Variants in EYS observed in about 807,000 individuals in gnomAD.
EYS encodes protein eyes shut homolog.
Under a neutral mutation model 282.1 loss-of-function variants are expected in EYS, and 250 were observed. The observed-to-expected ratio is 0.89, with a 90% CI of 0.80 to 0.98. EYS has a LOEUF of 0.98. Ranked by LOEUF, EYS falls within the 50% of genes least tolerant of loss-of-function variation. The probability of loss-of-function intolerance (pLI) is 0.00; values close to 1 mark genes in which losing one functional copy is unlikely to be tolerated. For synonymous variants in EYS, 1,355 were observed against 1,282.9 expected (o/e 1.06, Z -1.20); for missense variants, 4,016 against 3,709.0 (o/e 1.08, Z -2.15).
intron 2 of EYS, among the ~76,000 whole-genome samples, chr6:65,546,572 T>A (rs1164158258): frequency 1.6e-5 from 1 of 63,852 alleles, no homozygotes; most frequent in Non-Finnish European, 2.6e-5. Context: ...TACAACTTGA[T>A]CTTTTTTTTG....
At chr6:63,872,638 C>G (rs1376688164) in intron 35 of EYS, among the ~76,000 whole-genome samples, 2 of 151,998 alleles carry the variant, frequency 1.3e-5, no homozygotes, top group Non-Finnish European at 2.9e-5. Flanking sequence ...GCCGCCATGC[C>G]TGGCTAATTT....
rs1008872940 is a variant in EYS at position 65,348,561 on chromosome 6, A to C, written c.1460-4384T>G. Among the ~76,000 whole-genome samples, 115 of 151,640 alleles carry C rather than the reference A, an allele frequency of 7.6e-4. 3 individuals are homozygous for C. Among genetic ancestry groups the C allele is most frequent in the Admixed American group, 7.3e-3 (110 of 15,156 alleles). ...TTAGATCTTTTTTCCCATTTCTAAA[A>C]ATCATATTATTATTTTATTCCTGTA... On this transcript the variant is annotated intron_variant, in intron 9 of 42. Coordinates refer to ENST00000503581, the MANE Select transcript of EYS (RefSeq NM_001142800.2).
chr6:64,812,036 C>T (rs562205225), intron 22 of EYS, among the ~76,000 whole-genome samples: 11 of 151,934 alleles, frequency 7.2e-5, no homozygotes, highest in East Asian at 5.8e-4. Flanking sequence ...CAGAAATATA[C>T]GTTCAATTTA....
At chr6:64,688,287 T>C (rs1322011618) in intron 22 of EYS, among the ~76,000 whole-genome samples, 1 of 152,172 alleles carries the variant, frequency 6.6e-6, no homozygotes, top group East Asian at 1.9e-4. Context: ...TGTTTGCTCT[T>C]GCTTATCTAG....
chr6:65,643,018 G>A (rs1767330610), intron 1 of EYS, among the ~76,000 whole-genome samples: 1 of 152,212 alleles, frequency 6.6e-6, no homozygotes, highest in Non-Finnish European at 1.5e-5. Context: ...TACCAGGAAA[G>A]CTGAGAGAAT....
At chr6:65,505,640 C>T (rs1007470497) in intron 2 of EYS, among the ~76,000 whole-genome samples, 3 of 152,094 alleles carry the variant, frequency 2.0e-5, no homozygotes, top group African/African-American at 4.8e-5. Flanking sequence ...TCTCTTCAGA[C>T]TTCTTTGACC....
chr6:65,671,514 G>A (rs1368611440), intron 1 of EYS, among the ~76,000 whole-genome samples: 1 of 151,986 alleles, frequency 6.6e-6, no homozygotes, highest in Non-Finnish European at 1.5e-5. Flanking sequence ...AAAAAATTCT[G>A]ACAGGCTTTC....
chr6:65,132,642 AC>A (rs993735070), intron 12 of EYS, among the ~76,000 whole-genome samples: 36 of 152,172 alleles, frequency 2.4e-4, no homozygotes, highest in African/African-American at 8.7e-4. Flanking sequence ...CCCCATGAAA[AC>A]CAGCACAAGA....
At chr6:65,513,512 C>T (rs1358375827) in intron 2 of EYS, among the ~76,000 whole-genome samples, 1 of 152,016 alleles carries the variant, frequency 6.6e-6, no homozygotes, top group Non-Finnish European at 1.5e-5. Context: ...GACCAATATC[C>T]TTGATGAACA....
At chr6:64,127,352 C>T (rs1773819280) in intron 31 of EYS, among the ~76,000 whole-genome samples, 2 of 152,092 alleles carry the variant, frequency 1.3e-5, no homozygotes, top group Admixed American at 6.6e-5. Context: ...CAATTACTTA[C>T]TATCATCTAA....
intron 5 of EYS, among the ~76,000 whole-genome samples, chr6:65,407,113 C>A (rs1035443144): frequency 3.9e-5 from 6 of 152,088 alleles, no homozygotes; most frequent in Non-Finnish European, 8.8e-5. Flanking sequence ...ATCTCCATTT[C>A]TTTGGCTATT....
chr6:64,256,036 A>G (rs149946627), intron 30 of EYS, among the ~76,000 whole-genome samples: 479 of 152,160 alleles, frequency 3.1e-3, no homozygotes, highest in Non-Finnish European at 4.7e-3. Context: ...TTTAATTCTT[A>G]TATAAAAATC....
chr6:64,908,150 G>A (rs956124512), intron 16 of EYS, among the ~76,000 whole-genome samples: 4 of 152,162 alleles, frequency 2.6e-5, no homozygotes, highest in African/African-American at 4.8e-5. Context: ...TGGCAGACTC[G>A]TGGGAGAGGT....
In EYS at chr6:63,789,216, C is replaced by T. The variant is rs1770446844; in HGVS notation, c.7420G>A (p.Gly2474Ser). The T allele has an allele frequency of 6.4e-7, 1 of 1,551,624 alleles. No homozygotes were observed. ...AGGCCCACAGCCAGGAAGTCATCGC[C>T]ATTCAACCCTGGAATGAGAAGACAC... ...FTGQKGHGLN[G>S]DDFLAVGLLN... Residue 2474 changes from glycine (G) to serine (S), a missense_variant, in exon 38 of 43, where the codon GGC becomes AGC. Coordinates refer to ENST00000503581, the MANE Select transcript of EYS (RefSeq NM_001142800.2).
At chr6:65,540,358 T>G (rs1036605661) in intron 2 of EYS, among the ~76,000 whole-genome samples, 1 of 152,168 alleles carries the variant, frequency 6.6e-6, no homozygotes, top group African/African-American at 2.4e-5. Flanking sequence ...AATTCAGAGC[T>G]GATGCTTTAG....
At chr6:65,423,715 C>T (rs756809954) in intron 5 of EYS, among the ~76,000 whole-genome samples, 1 of 151,884 alleles carries the variant, frequency 6.6e-6, no homozygotes, top group African/African-American at 2.4e-5. Context: ...TCAAGCAAGG[C>T]CACATAATTA....
rs575178202 is a variant in EYS at position 64,836,064 on chromosome 6, ATCT to A, written c.2993-13245_2993-13243del. ...CAAGCAAATGAAAATAATCGCTCAA[ATCT>A]CATAATCGTAATTTTTATATATTAC... On this transcript the variant is annotated intron_variant, in intron 19 of 42. Transcript: ENST00000503581. Among the ~76,000 whole-genome samples the A allele has an allele frequency of 7.7e-3, 1,166 of 151,662 alleles. 11 individuals are homozygous for A. The highest frequency in any genetic ancestry group is 0.026 in the African/African-American group (1,085 of 41,498).
intron 36 of EYS, among the ~76,000 whole-genome samples, chr6:63,834,012 G>C (rs929921783): frequency 6.6e-6 from 1 of 152,178 alleles, no homozygotes; most frequent in Admixed American, 6.5e-5. Context: ...GCCATATGTA[G>C]AAAGCTGAAA....
chr6:64,349,246 G>C (rs921602511), intron 29 of EYS, among the ~76,000 whole-genome samples: 2 of 150,976 alleles, frequency 1.3e-5, no homozygotes, highest in African/African-American at 4.9e-5. Context: ...TCATTATCTT[G>C]CTATCCGTAT....
Sources: allele counts gnomAD v4.1 joint callset (sites outside exome capture counted in the v4.1 genomes callset), GRCh38; gene constraint gnomAD v4.1.1; transcripts MANE v1.5; gene names NCBI Gene and HGNC (gene_info 2026-07-23, HGNC 2026-07-21).